TFEC: variants seen among roughly 807,000 people sequenced by gnomAD.
TFEC encodes the protein transcription factor EC.
TFEC carries 31 observed loss-of-function variants against 41.6 expected under a neutral mutation model. The ratio of observed to expected loss-of-function variants is 0.74; its 90% CI spans 0.56 to 1.01. The LOEUF (loss-of-function observed/expected upper bound fraction) is 1.01, where lower values mean the gene tolerates loss of function less well. Among genes scored for constraint, TFEC ranks in the 50% least tolerant of loss-of-function variants. The probability of loss-of-function intolerance (pLI) is 0.00; values close to 1 mark genes in which losing one functional copy is unlikely to be tolerated. For synonymous variants in TFEC, 143 were observed against 140.6 expected (o/e 1.02, Z -0.12); for missense variants, 402 against 404.1 (o/e 0.99, Z 0.04).
chr7:116,095,695 G>A (rs1797436068), intron 3 of TFEC, among the ~76,000 whole-genome samples: 1 of 152,116 alleles, frequency 6.6e-6, no homozygotes, highest in East Asian at 1.9e-4. Flanking sequence ...ACTTTCAAAG[G>A]TCAGCTATGA....
At chr7:116,144,127 A>G (rs1030761168) in intron 1 of TFEC, among the ~76,000 whole-genome samples, 1 of 152,048 alleles carries the variant, frequency 6.6e-6, no homozygotes, top group Non-Finnish European at 1.5e-5. Context: ...CTGAGGCAGG[A>G]GAATCGCTTG....
intron 1 of TFEC, among the ~76,000 whole-genome samples, chr7:116,001,350 C>G (rs1025609055): frequency 6.6e-6 from 1 of 151,812 alleles, no homozygotes; most frequent in Non-Finnish European, 1.5e-5. Context: ...AAAAAATTAA[C>G]GAGACGTGGC....
At chr7:116,028,499 C>G (rs923007733) in intron 1 of TFEC, among the ~76,000 whole-genome samples, 2 of 152,166 alleles carry the variant, frequency 1.3e-5, no homozygotes, top group Non-Finnish European at 2.9e-5. Context: ...CTCCCAGACT[C>G]TTCTTAGTAA....
chr7:116,108,177 C>T (rs535910839), intron 3 of TFEC, among the ~76,000 whole-genome samples: 38 of 152,084 alleles, frequency 2.5e-4, no homozygotes, highest in East Asian at 1.5e-3. Flanking sequence ...TATTTTAAGA[C>T]GCAAAGGTAT....
chr7:116,128,763 T>C (rs1166598835), intron 1 of TFEC, among the ~76,000 whole-genome samples: 1 of 151,722 alleles, frequency 6.6e-6, no homozygotes. Context: ...GATGTGTGTT[T>C]CTGGGTGGTA....
chr7:116,091,043 A>G (rs1562965840), intron 3 of TFEC, among the ~76,000 whole-genome samples: 2 of 152,102 alleles, frequency 1.3e-5, no homozygotes, highest in Non-Finnish European at 2.9e-5. Flanking sequence ...GCAGCAAACC[A>G]TCATGGCACA....
intron 1 of TFEC, among the ~76,000 whole-genome samples, chr7:116,127,691 C>CAA (rs72053152): frequency 0.078 from 8,204 of 104,902 alleles, 379 homozygotes; most frequent in Non-Finnish European, 0.12. Flanking sequence ...GAGTCAGTGT[C>CAA]AAAAAAAAAA....
chr7:115,978,185 C>T (rs1395859950), intron 2 of TFEC, among the ~76,000 whole-genome samples: 1 of 151,898 alleles, frequency 6.6e-6, no homozygotes, highest in African/African-American at 2.4e-5. Context: ...ACAGAAAAAG[C>T]TGAAACAAGG....
In TFEC at chr7:116,116,429, A is replaced by G. The variant is rs576436757; in HGVS notation, c.-68-4391T>C. On this transcript the variant is annotated intron_variant, in intron 1 of 8. Coordinates refer to the TFEC transcript ENST00000484212. ...CATGGTGATAAAATCTGGCTCAAGA[A>G]AAAAGGAAATATCTAATAATTAGAG... Among the ~76,000 whole-genome samples the G allele has an allele frequency of 2.9e-3, 447 of 151,944 alleles. 1 individual carries two copies. The highest frequency in any genetic ancestry group is 6.8e-3 in the Middle Eastern group (2 of 294).
chr7:116,017,862 T>G (rs1181374658), intron 1 of TFEC, among the ~76,000 whole-genome samples: 1 of 152,218 alleles, frequency 6.6e-6, no homozygotes, highest in Admixed American at 6.5e-5. Context: ...CTCATAGTAT[T>G]GGCATTTTGT....
chr7:115,953,178 G>C (rs1792039944), intron 5 of TFEC, among the ~76,000 whole-genome samples: 1 of 151,994 alleles, frequency 6.6e-6, no homozygotes, highest in Admixed American at 6.6e-5. Context: ...AAAGAACAGT[G>C]GGGGGCTGCA....
At chr7:116,062,297 G>A (rs1364668441) in intron 3 of TFEC, among the ~76,000 whole-genome samples, 2 of 135,938 alleles carry the variant, frequency 1.5e-5, no homozygotes, top group African/African-American at 2.8e-5. Context: ...TGGCCAGGCT[G>A]GTCTCAAACT....
intron 1 of TFEC, among the ~76,000 whole-genome samples, chr7:116,135,762 C>T (rs553200742): frequency 6.6e-6 from 1 of 151,998 alleles, no homozygotes; most frequent in Non-Finnish European, 1.5e-5. Context: ...TCTTCATAGG[C>T]TTAAACCATT....
chr7:115,972,362 TTATTCCCATAA>T (rs1323156562), intron 3 of TFEC, among the ~76,000 whole-genome samples: 1 of 152,236 alleles, frequency 6.6e-6, no homozygotes, highest in East Asian at 1.9e-4. Flanking sequence ...ATATTTTTCA[TTATTCCCATAA>T]TACAGAAATA....
intron 2 of TFEC, among the ~76,000 whole-genome samples, chr7:115,983,313 C>T (rs4272305): frequency 1.3e-5 from 2 of 151,772 alleles, no homozygotes; most frequent in South Asian, 2.1e-4. Flanking sequence ...ATTTTTTTCT[C>T]TTTTCCAGGT....
intron 3 of TFEC, among the ~76,000 whole-genome samples, chr7:116,081,913 C>G (rs1025935233): frequency 1.3e-5 from 2 of 152,038 alleles, no homozygotes; most frequent in African/African-American, 2.4e-5. Context: ...TCTCAAGACA[C>G]ACTTTTAAAT....
intron 2 of TFEC, among the ~76,000 whole-genome samples, chr7:115,977,178 C>A (rs1402442712): frequency 6.6e-6 from 1 of 151,956 alleles, no homozygotes; most frequent in Non-Finnish European, 1.5e-5. Context: ...AAAAACACAC[C>A]ATTTTGTATC....
chr7:116,024,102 C>A (rs1156858248), intron 1 of TFEC, among the ~76,000 whole-genome samples: 1 of 152,102 alleles, frequency 6.6e-6, no homozygotes, highest in Admixed American at 6.6e-5. Flanking sequence ...CTTCACTTTG[C>A]CCCTTTCTTT....
At chr7:116,034,233 T>C (rs867763174), upstream of TFEC, among the ~76,000 whole-genome samples, 18 of 152,066 alleles carry the variant, frequency 1.2e-4, no homozygotes, top group Non-Finnish European at 2.1e-4. Context: ...ACCCTAGCTA[T>C]ATTCATTACC....
Sources: allele counts gnomAD v4.1 joint callset (sites outside exome capture counted in the v4.1 genomes callset), GRCh38; gene constraint gnomAD v4.1.1; transcripts MANE v1.5; gene names NCBI Gene and HGNC (gene_info 2026-07-23, HGNC 2026-07-21).